The following LMNA variants were observed in gnomAD, a reference collection of about 807,000 sequenced individuals.
The protein encoded by LMNA is lamin.
Under a neutral mutation model 70.4 loss-of-function variants are expected in LMNA, and 20 were observed. The ratio of observed to expected loss-of-function variants is 0.28; its 90% CI spans 0.20 to 0.41. The LOEUF (loss-of-function observed/expected upper bound fraction) is 0.41, where lower values mean the gene tolerates loss of function less well. LMNA is among the 10% of genes least tolerant of loss of function. The pLI, the probability that LMNA is intolerant of heterozygous loss-of-function variation, is 1.00. For missense variants in LMNA, 652 were observed against 917.2 expected, an observed-to-expected ratio of 0.71 and a Z score of 3.73; for synonymous variants, 339 against 372.8, an observed-to-expected ratio of 0.91 and a Z score of 1.04.
rs1572323011 is a variant in LMNA at position 156,103,212 on chromosome 1, C to A, written c.-206-11501C>A. Among the ~76,000 whole-genome samples the A allele has an allele frequency of 6.6e-6, 1 of 152,228 alleles. No individual in the cohort carries two copies. The highest frequency in any genetic ancestry group is 1.9e-4 in the East Asian group (1 of 5,202). On this transcript the variant is annotated intron_variant, in intron 3 of 12. Coordinates refer to the LMNA transcript ENST00000368301. The surrounding 1 kb of genome is among the most constrained non-coding windows in gnomAD (Gnocchi z 4.7). ...TCTAGGAACCTCCTTCCTGCCCCCA[C>A]AGCTTCCTCTTTGTGTCCTGCCTAC... is the stretch of plus-strand genomic sequence containing the variant.
chr1:156,093,147 C>A (rs911507955), intron 3 of LMNA, among the ~76,000 whole-genome samples: 1 of 151,960 alleles, frequency 6.6e-6, no homozygotes, highest in Non-Finnish European at 1.5e-5. Context: ...CCTTGGCCCC[C>A]CCAAAGTGCT....
intron 2 of LMNA, among the ~76,000 whole-genome samples, chr1:156,088,283 A>G (rs1648556701): frequency 6.6e-6 from 1 of 152,208 alleles, no homozygotes; most frequent in Admixed American, 6.5e-5. Flanking sequence ...GAATGCACTC[A>G]ACACATTAAT....
chr1:156,090,523 T>G (rs1036395088), exon 3 of LMNA: 6 of 152,222 alleles, frequency 3.9e-5, no homozygotes, highest in Non-Finnish European at 8.8e-5. Flanking sequence ...GTGTCTCTGC[T>G]TCACATGAAG....
intron 3 of LMNA, among the ~76,000 whole-genome samples, chr1:156,094,490 C>T (rs781307509): frequency 9.2e-5 from 14 of 151,874 alleles, no homozygotes; most frequent in Non-Finnish European, 1.2e-4. Context: ...AGAGGCGTGC[C>T]ACCATGCCTG....
Position 156,089,601 on chromosome 1 carries a change from A to AAAAGAAAG in LMNA, c.-318-853_-318-846dup, listed in dbSNP as rs71080746. ...AGAGCCAAACTCCGTCTAAAAAAAA[A>AAAAGAAAG]AAAGAAAGAAAGAAAGAAAGAAAGG... is the stretch of plus-strand genomic sequence containing the variant. On this transcript the variant is annotated intron_variant, in intron 2 of 12. Coordinates refer to the LMNA transcript ENST00000368301. Among the ~76,000 whole-genome samples, 361 of 145,584 alleles carry AAAAGAAAG rather than the reference A, an allele frequency of 2.5e-3. 2 individuals are homozygous for AAAAGAAAG. Among genetic ancestry groups the AAAAGAAAG allele is most frequent in the Middle Eastern group, 0.021 (6 of 284 alleles).
chr1:156,133,418 A>C (rs1051564899), intron 2 of LMNA, among the ~76,000 whole-genome samples: 7 of 151,744 alleles, frequency 4.6e-5, no homozygotes, highest in Admixed American at 1.3e-4. Context: ...TAAAGATACA[A>C]AAATTAGCTG....
chr1:156,110,279 A>G (rs762527525), upstream of LMNA, among the ~76,000 whole-genome samples: 6 of 152,170 alleles, frequency 3.9e-5, no homozygotes, highest in South Asian at 1.2e-3. Context: ...TGTCTGTTTT[A>G]TTCACTTCTG....
chr1:156,137,612 C>T lies in LMNA; in HGVS notation c.1609-42C>T, dbSNP rs976518834. 15 of 1,528,274 alleles carry T rather than the reference C, an allele frequency of 9.8e-6. No individual in the cohort carries two copies. Among genetic ancestry groups the T allele is most frequent in the African/African-American group, 9.6e-5 (7 of 72,600 alleles). 94.7% of individuals were successfully genotyped at this position (1,528,274 alleles called of 1,614,324 possible). ...GGGGTAGACATGCTGTACAACCCTT[C>T]CCTGGCCCTGACCCTTGGACCTGGT... On this transcript the variant is annotated intron_variant, in intron 9 of 11. Transcript: ENST00000368300. The surrounding 1 kb of genome is among the most constrained non-coding windows in gnomAD (Gnocchi z 4.6).
chr1:156,139,220 C>T lies in LMNA; in HGVS notation c.*114C>T, dbSNP rs1651915684. ...GGGGCTTGAAGCCAAAGAAAAATAA[C>T]CCTTTGGTTTTTTTCTTCTGTATTT... is the stretch of plus-strand genomic sequence containing the variant. On this transcript the variant is annotated 3_prime_UTR_variant, in exon 12 of 12. Coordinates refer to ENST00000368300, the MANE Select transcript of LMNA (RefSeq NM_170707.4). 5.2e-6 allele frequency: 8 copies of T among 1,541,874 alleles called. No homozygotes were observed. Among genetic ancestry groups the T allele is most frequent in the Non-Finnish European group, 6.1e-6 (7 of 1,152,980 alleles).
chr1:156,139,189 TGGGAGG>T lies in LMNA; in HGVS notation c.*87_*92del. 1.2e-6 allele frequency: 2 copies of T among 1,606,866 alleles called. No homozygotes were observed. Among genetic ancestry groups the T allele is most frequent in the Non-Finnish European group, 1.7e-6 (2 of 1,178,122 alleles). ...TGCCCACCCCCTGCCCTGCACGTCA[TGGGAGG>T]GGGCTTGAAGCCAAAGAAAAATAAC... On this transcript the variant is annotated 3_prime_UTR_variant, in exon 12 of 12. Transcript: ENST00000368300.
chr1:156,123,951 C>T (rs1031810505), intron 1 of LMNA, among the ~76,000 whole-genome samples: 1 of 152,178 alleles, frequency 6.6e-6, no homozygotes, highest in Admixed American at 6.5e-5. Flanking sequence ...CACCAGTTCT[C>T]CCCACTTCAG....
intron 2 of LMNA, chr1:156,083,512 C>T (rs991710625): frequency 6.6e-6 from 1 of 152,594 alleles, no homozygotes; most frequent in Admixed American, 6.5e-5. Flanking sequence ...CCATTGAAAA[C>T]CTATTCAGGG....
chr1:156,138,074 C>G lies in LMNA; in HGVS notation c.1698+331C>G. The G allele has an allele frequency of 1.8e-6, 1 of 541,772 alleles. No homozygotes were observed. The highest frequency in any genetic ancestry group is 3.3e-6 in the Non-Finnish European group (1 of 301,432). 33.6% of individuals were successfully genotyped at this position (541,772 alleles called of 1,614,324 possible). A position where few individuals can be genotyped will look rare whatever the true frequency, so the allele number is the denominator to read the frequency against. ...GGGGCATGCCCGCCCTGCCTCTCTC[C>G]CCCATTCTTGTTGCATGCATATCCT... On this transcript the variant is annotated intron_variant, in intron 10 of 11. Coordinates refer to ENST00000368300, the MANE Select transcript of LMNA (RefSeq NM_170707.4). The surrounding 1 kb of genome is among the most constrained non-coding windows in gnomAD (Gnocchi z 5.5).
At position 156,137,930 on chromosome 1, in the gene LMNA, G is replaced by A; in HGVS notation, c.1698+187G>A. ...CTTGAACAGGGAACCCAGGTGTCTG[G>A]GTGCCCTACTCTGGTAAGGAAGGGA... On this transcript the variant is annotated intron_variant, in intron 10 of 11. Transcript: ENST00000368300. The surrounding 1 kb of genome is among the most constrained non-coding windows in gnomAD (Gnocchi z 4.6). 1 of 1,297,062 alleles carries A rather than the reference G, an allele frequency of 7.7e-7. No homozygotes were observed. Among genetic ancestry groups the A allele is most frequent in the South Asian group, 1.5e-5 (1 of 68,064 alleles). 80.3% of individuals were successfully genotyped at this position (1,297,062 alleles called of 1,614,324 possible).
At position 156,130,604 on chromosome 1, in the gene LMNA, C is replaced by A. The variant is rs1264489096; in HGVS notation, c.357-13C>A. ...CTCCTTCTCTTAAATCTACTCTCCC[C>A]TCTCTTCTTTAGCAATACCAAGAAG... is the stretch of plus-strand genomic sequence containing the variant. On this transcript the variant is annotated splice_polypyrimidine_tract_variant and intron_variant, in intron 1 of 11. Coordinates refer to ENST00000368300, the MANE Select transcript of LMNA (RefSeq NM_170707.4). 11 of 1,613,654 alleles carry A rather than the reference C, an allele frequency of 6.8e-6. No homozygotes were observed. The highest frequency in any genetic ancestry group is 9.3e-6 in the Non-Finnish European group (11 of 1,179,944).
At chr1:156,126,701 T>C in intron 1 of LMNA, 1 of 1,541,574 alleles carries the variant, frequency 6.5e-7, no homozygotes, top group Non-Finnish European at 8.8e-7. Context: ...TCTGTTCCCC[T>C]CCCCACCCCC....
At chr1:156,133,464 G>A (rs1001312151) in intron 2 of LMNA, among the ~76,000 whole-genome samples, 9 of 151,892 alleles carry the variant, frequency 5.9e-5, no homozygotes, top group Admixed American at 1.3e-4. Flanking sequence ...CCAGCTACTC[G>A]GGAGACTGAG....
At chr1:156,126,500 G>C in intron 1 of LMNA, 1 of 671,466 alleles carries the variant, frequency 1.5e-6, no homozygotes, top group Non-Finnish European at 2.8e-6. Flanking sequence ...GGGTGGGTCA[G>C]CGCCTGGCCC....
chr1:156,137,934 C>T lies in LMNA; in HGVS notation c.1698+191C>T, dbSNP rs1161982251. ...AACAGGGAACCCAGGTGTCTGGGTG[C>T]CCTACTCTGGTAAGGAAGGGAGTGG... On this transcript the variant is annotated intron_variant, in intron 10 of 11. Transcript: ENST00000368300. The surrounding 1 kb of genome is among the most constrained non-coding windows in gnomAD (Gnocchi z 4.6). The T allele has an allele frequency of 1.1e-5, 14 of 1,262,338 alleles. No individual in the cohort carries two copies. The East Asian group carries it at 3.1e-4, about 28-fold the overall frequency. The allele number at this position is 1,262,338 out of a possible 1,614,324, so 78.2% of individuals were successfully genotyped here. A position where few individuals can be genotyped will look rare whatever the true frequency, so the allele number is the denominator to read the frequency against.
Sources: gnomAD v4.1 joint callset for allele counts (sites outside exome capture counted in the v4.1 genomes callset) on GRCh38, gnomAD v4.1.1 for gene constraint, Gnocchi (gnomAD v3.1) non-coding constraint, MANE v1.5 for transcripts, NCBI Gene and HGNC (gene_info 2026-07-23, HGNC 2026-07-21) for gene names.